RANBP9: variants seen among roughly 807,000 people sequenced by gnomAD.
RANBP9 encodes the protein ran-binding protein 9.
Under a neutral mutation model 84.3 loss-of-function variants are expected in RANBP9, and 15 were observed. The observed-to-expected ratio is 0.18, with a 90% CI of 0.12 to 0.27. The LOEUF (loss-of-function observed/expected upper bound fraction) is 0.27, where lower values mean the gene tolerates loss of function less well. RANBP9 is among the 10% of genes least tolerant of loss of function. RANBP9 has a pLI of 1.00. For synonymous variants in RANBP9, 392 were observed against 349.6 expected, an observed-to-expected ratio of 1.12 and a Z score of -1.35; for missense variants, 809 against 912.8, an observed-to-expected ratio of 0.89 and a Z score of 1.46.
intron 5 of RANBP9, among the ~76,000 whole-genome samples, 170 bp downstream of exon 5, chr6:13,652,489 G>C (rs1178437836): frequency 6.6e-6 from 1 of 152,148 alleles, no homozygotes; most frequent in Non-Finnish European, 1.5e-5. Context: ...CTTAATTTCT[G>C]AGGGTCTACA....
At chr6:13,645,056 T>C (rs1000572644) in intron 5 of RANBP9, among the ~76,000 whole-genome samples, 4 of 152,224 alleles carry the variant, frequency 2.6e-5, no homozygotes, top group Admixed American at 6.5e-5. Flanking sequence ...TTATGTCATA[T>C]AGTAGTTACA....
At chr6:13,644,420 A>G (rs1220668433) in intron 6 of RANBP9, 125 bp downstream of exon 6, 15 of 901,776 alleles carry the variant, frequency 1.7e-5, no homozygotes, top group Non-Finnish European at 2.2e-5. Context: ...ATTAAAATCA[A>G]TAATATAATA....
intron 4 of RANBP9, among the ~76,000 whole-genome samples, chr6:13,655,117 T>C (rs757512819): frequency 1.1e-4 from 16 of 152,278 alleles, no homozygotes; most frequent in Admixed American, 3.3e-4. Context: ...ACCATCTCTC[T>C]ATGTGCTTAA....
intron 2 of RANBP9, among the ~76,000 whole-genome samples, chr6:13,659,255 C>T (rs1220928075): frequency 2.1e-5 from 2 of 95,138 alleles, no homozygotes; most frequent in African/African-American, 7.3e-5. Context: ...CACACACACA[C>T]ATACACACAC....
intron 2 of RANBP9, among the ~76,000 whole-genome samples, chr6:13,694,271 A>G (rs1766390245): frequency 6.6e-6 from 1 of 152,234 alleles, no homozygotes; most frequent in African/African-American, 2.4e-5. Flanking sequence ...AAGTTCTTCA[A>G]CTGGGGAGTG....
In RANBP9 at chr6:13,681,376, T is replaced by C. The variant is rs535745349; in HGVS notation, c.683+15409A>G. 6.6e-5 allele frequency among the ~76,000 whole-genome samples: 10 copies of C among 152,102 alleles called. No individual in the cohort carries two copies. In the South Asian group the frequency reaches 2.1e-3, roughly 32 times the overall value. On this transcript the variant is annotated intron_variant, in intron 2 of 13. Coordinates refer to ENST00000011619, the MANE Select transcript of RANBP9 (RefSeq NM_005493.3). ...TTTGTCAAAACTCACAACTATACAC[T>C]GAAAAAAATGTATTTTACTGCACAT...
At chr6:13,668,983 T>A (rs1765713403) in intron 2 of RANBP9, among the ~76,000 whole-genome samples, 1 of 151,800 alleles carries the variant, frequency 6.6e-6, no homozygotes, top group Admixed American at 6.6e-5. Flanking sequence ...ATATAGAAAA[T>A]CCTAAAGAAT....
At chr6:13,630,572 A>C (rs1285499510) in intron 12 of RANBP9, among the ~76,000 whole-genome samples, 1 of 152,182 alleles carries the variant, frequency 6.6e-6, no homozygotes, top group East Asian at 1.9e-4. Flanking sequence ...AACAGTACTC[A>C]AAGTATGATT....
intron 2 of RANBP9, among the ~76,000 whole-genome samples, chr6:13,667,250 GC>G (rs1208715841): frequency 6.6e-6 from 1 of 152,112 alleles, no homozygotes; most frequent in Non-Finnish European, 1.5e-5. Context: ...ATAGGCTTAA[GC>G]CTACTATCTT....
intron 12 of RANBP9, among the ~76,000 whole-genome samples, chr6:13,629,426 T>C (rs1172515787): frequency 6.6e-6 from 1 of 152,144 alleles, no homozygotes; most frequent in Non-Finnish European, 1.5e-5. Flanking sequence ...AAACTGAAAA[T>C]ACCTGAAATA....
intron 2 of RANBP9, among the ~76,000 whole-genome samples, chr6:13,694,560 T>C (rs549587454): frequency 8.5e-5 from 13 of 152,340 alleles, no homozygotes; most frequent in Middle Eastern, 3.4e-3. Context: ...CTGTTCTATA[T>C]AAAGCAGTCC....
At chr6:13,660,583 A>G (rs759636422) in intron 2 of RANBP9, among the ~76,000 whole-genome samples, 29 of 152,206 alleles carry the variant, frequency 1.9e-4, no homozygotes, top group Non-Finnish European at 4.0e-4. Context: ...ACATTTATAC[A>G]TTTCAAGACA....
At chr6:13,669,153 T>G (rs1325700347) in intron 2 of RANBP9, among the ~76,000 whole-genome samples, 1 of 151,924 alleles carries the variant, frequency 6.6e-6, no homozygotes, top group Non-Finnish European at 1.5e-5. Flanking sequence ...AAAGAATACT[T>G]AGGAATAAAT....
chr6:13,641,166 T>A, intron 8 of RANBP9, 33 bp downstream of exon 8: 2 of 1,248,486 alleles, frequency 1.6e-6, no homozygotes, highest in Middle Eastern at 4.5e-4. Context: ...TTATAATATA[T>A]AACAAATATA....
intron 1 of RANBP9, among the ~76,000 whole-genome samples, chr6:13,701,900 C>G (rs140175203): frequency 5.3e-5 from 8 of 152,262 alleles, no homozygotes; most frequent in Admixed American, 2.6e-4. Flanking sequence ...TATCAAAGAA[C>G]AGTCTGTACT....
intron 11 of RANBP9, among the ~76,000 whole-genome samples, chr6:13,633,602 C>T (rs1270855179): frequency 2.6e-5 from 4 of 152,276 alleles, no homozygotes; most frequent in South Asian, 2.1e-4. Context: ...TTGCAGAAAT[C>T]AAATCTATGT....
rs1454366556 is a variant in RANBP9 at position 13,711,359 on chromosome 6, G to C, written c.147C>G (p.Gly49=). The stretch of plus-strand genomic sequence containing the variant: ...CGCCGCCCGCACCGCCGCCGGGCGA[G>C]CCGGCCGGAGAAGAGCCGGCGCTGA... ...PAVSAGSSPA[G]SPGGGAGGEG... is the part of the protein sequence containing the mutation. The change falls in exon 1 of 14, where the codon GGC becomes GGG. Residue 49 remains glycine, a synonymous_variant. Coordinates refer to ENST00000011619, the MANE Select transcript of RANBP9 (RefSeq NM_005493.3). The C allele has an allele frequency of 1.7e-6, 2 of 1,152,970 alleles. No individual in the cohort carries two copies. The highest frequency in any genetic ancestry group is 1.6e-5 in the African/African-American group (1 of 61,094). 71.4% of individuals were successfully genotyped at this position (1,152,970 alleles called of 1,614,324 possible).
In RANBP9 at chr6:13,692,267, G is replaced by A. The variant is rs147676871; in HGVS notation, c.683+4518C>T. Among the ~76,000 whole-genome samples, 1,160 of 152,152 alleles carry A rather than the reference G, an allele frequency of 7.6e-3. 11 individuals carry two copies. The highest frequency in any genetic ancestry group is 0.026 in the African/African-American group (1,086 of 41,526). ...GTACAATAGTTTGGCCAGGCGCGGT[G>A]GCTCACACCTATAATCCCAGCACTT... On this transcript the variant is annotated intron_variant, in intron 2 of 13. Coordinates refer to ENST00000011619, the MANE Select transcript of RANBP9 (RefSeq NM_005493.3).
At position 13,711,572 on chromosome 6, in the gene RANBP9, C is replaced by T. The variant is rs2113380696; in HGVS notation, c.-67G>A. The T allele has an allele frequency of 1.6e-6, 2 of 1,220,844 alleles. No homozygotes were observed. Among genetic ancestry groups the T allele is most frequent in the Non-Finnish European group, 1.0e-6 (1 of 973,712 alleles). 75.6% of individuals were successfully genotyped at this position (1,220,844 alleles called of 1,614,324 possible). ...TCCTTCCTCCTCTGCTTCCCGGGGG[C>T]GCTGTCGCTGCGGCCGCCGGCACCA... On this transcript the variant is annotated 5_prime_UTR_variant, in exon 1 of 14. Transcript: ENST00000011619.
Sources: allele counts gnomAD v4.1 joint callset (sites outside exome capture counted in the v4.1 genomes callset), GRCh38; gene constraint gnomAD v4.1.1; transcripts MANE v1.5; gene names NCBI Gene and HGNC (gene_info 2026-07-23, HGNC 2026-07-21).